The following GLB1L3 variants were observed in gnomAD, a reference collection of about 807,000 sequenced individuals.
The protein encoded by GLB1L3 is galactosidase beta 1 like 3.
In GLB1L3, 89 loss-of-function variants were observed where a neutral mutation model predicts 89.5. The ratio of observed to expected loss-of-function variants is 0.99; its 90% CI spans 0.84 to 1.19. The LOEUF (loss-of-function observed/expected upper bound fraction) is 1.19, where lower values mean the gene tolerates loss of function less well. Among genes scored for constraint, GLB1L3 ranks in the 50% most tolerant of loss-of-function variants. The pLI is 0.00. For synonymous variants in GLB1L3, 314 were observed against 312.3 expected (o/e 1.01, Z -0.06); for missense variants, 812 against 813.3 (o/e 1.00, Z 0.02).
At chr11:134,298,205 G>A (rs1941761769) in intron 9 of GLB1L3, among the ~76,000 whole-genome samples, 2 of 151,834 alleles carry the variant, frequency 1.3e-5, no homozygotes, top group African/African-American at 4.8e-5. Flanking sequence ...GGAGATTCTT[G>A]GATCTGTGGT....
chr11:134,324,855 G>A, the GLB1L3 span, among the ~76,000 whole-genome samples: 2 of 151,518 alleles, frequency 1.3e-5, no homozygotes, highest in Non-Finnish European at 2.9e-5. Context: ...TAAAAATTGT[G>A]ATATAACATA....
downstream of GLB1L3, among the ~76,000 whole-genome samples, chr11:134,321,760 G>A (rs749403715): frequency 5.1e-4 from 78 of 152,068 alleles, 1 homozygote; most frequent in Admixed American, 2.0e-3. Flanking sequence ...CACACACTGG[G>A]GCCTGTCATG....
At chr11:134,301,221 A>G (rs1035012229) in intron 9 of GLB1L3, among the ~76,000 whole-genome samples, 1 of 152,152 alleles carries the variant, frequency 6.6e-6, no homozygotes, top group Non-Finnish European at 1.5e-5. Context: ...TCTGTGACCT[A>G]GGTTCTCTGA....
At chr11:134,291,257 C>G (rs1941339303) in intron 7 of GLB1L3, among the ~76,000 whole-genome samples, 1 of 151,002 alleles carries the variant, frequency 6.6e-6, no homozygotes, top group African/African-American at 2.4e-5. Flanking sequence ...GCAACCTATG[C>G]ACATCCTCCC....
intron 6 of GLB1L3, among the ~76,000 whole-genome samples, chr11:134,284,825 A>ACC (rs1022858561): frequency 4.3e-4 from 62 of 144,128 alleles, no homozygotes; most frequent in African/African-American, 1.5e-3. Flanking sequence ...AATAACTTGC[A>ACC]CCCCCCATTC....
At chr11:134,277,056 C>T (rs1940408009) in intron 1 of GLB1L3, 1 of 571,188 alleles carries the variant, frequency 1.8e-6, no homozygotes, top group African/African-American at 1.9e-5. Flanking sequence ...GCGCCCGCCT[C>T]CGCCTCTCCC....
Position 134,308,519 on chromosome 11 carries a change from ATGT to A in GLB1L3, c.962-1106_962-1104del, listed in dbSNP as rs1425336665. On this transcript the variant is annotated intron_variant, in intron 10 of 19. Transcript: ENST00000431683. ...ACCAAATACCACCACCACCACCACC[ATGT>A]CCACCACCACTACCACCACCATCAC... Among the ~76,000 whole-genome samples the A allele has an allele frequency of 6.4e-4, 34 of 53,412 alleles. 1 individual carries two copies. The highest frequency in any genetic ancestry group is 8.9e-4 in the Non-Finnish European group (22 of 24,852). The allele number at this position is 53,412 out of a possible 152,430, so 35.0% of individuals were successfully genotyped here.
At position 134,277,446 on chromosome 11, in the gene GLB1L3, G is replaced by C; in HGVS notation, c.144G>C (p.Gln48His). 6.2e-7 allele frequency: 1 copy of C among 1,612,160 alleles called. No individual in the cohort carries two copies. The change falls in exon 2 of 20, where the codon CAG (glutamine) becomes CAC (histidine). Residue 48 changes from glutamine (Q) to histidine (H), a missense_variant. Gln to His is a conservative substitution (Grantham distance 24). This residue lies in a region of GLB1L3 where 191 missense variants were observed against 191.4 expected (regional missense o/e 1.00). Coordinates refer to ENST00000431683, the MANE Select transcript of GLB1L3 (RefSeq NM_001080407.3). ...NFMLGRAHPSQPRFNWSHLTP... is the reference protein window; with the variant it reads ...NFMLGRAHPSHPRFNWSHLTP... Reference sequence around the variant, plus strand: ...TGCTTGGAAGAGCGCATCCGTCCCAGCCTAGGTTTGCTTGAGAGCTACATC... The same window carrying C: ...TGCTTGGAAGAGCGCATCCGTCCCACCCTAGGTTTGCTTGAGAGCTACATC...
intron 1 of GLB1L3, 44 bp downstream of exon 1, chr11:134,276,807 C>A: frequency 1.5e-6 from 2 of 1,367,686 alleles, no homozygotes. Context: ...ACCACCCCGG[C>A]GCGTGCCCGG....
intron 9 of GLB1L3, among the ~76,000 whole-genome samples, chr11:134,297,686 C>T (rs894887138): frequency 7.2e-5 from 11 of 151,840 alleles, no homozygotes; most frequent in Admixed American, 3.3e-4. Flanking sequence ...CATGGTGACA[C>T]CCCATCTCTA....
chr11:134,308,236 C>T (rs1942344057), intron 10 of GLB1L3, among the ~76,000 whole-genome samples: 1 of 22,336 alleles, frequency 4.5e-5, no homozygotes. Context: ...CCACCACCAC[C>T]ATCACCATCA....
At chr11:134,297,937 A>G in intron 9 of GLB1L3, among the ~76,000 whole-genome samples, 1 of 151,520 alleles carries the variant, frequency 6.6e-6, no homozygotes, top group Non-Finnish European at 1.5e-5. Flanking sequence ...TGACACGACT[A>G]ATCATACTGA....
At chr11:134,321,395 A>T (rs1943166463), downstream of GLB1L3, among the ~76,000 whole-genome samples, 1 of 152,184 alleles carries the variant, frequency 6.6e-6, no homozygotes, top group Non-Finnish European at 1.5e-5. Context: ...ATAAAAGACA[A>T]AAGATAGTAG....
intron 9 of GLB1L3, among the ~76,000 whole-genome samples, chr11:134,296,821 C>T (rs2136163508): frequency 8.5e-6 from 1 of 117,038 alleles, no homozygotes; most frequent in African/African-American, 3.0e-5. Context: ...TGCACATGTA[C>T]CCTAAAACTT....
intron 1 of GLB1L3, 103 bp downstream of exon 1, chr11:134,276,866 C>T (rs1940392788): frequency 9.5e-7 from 1 of 1,056,386 alleles, no homozygotes; most frequent in Non-Finnish European, 1.2e-6. Context: ...GCCCCAGGCA[C>T]GCGCCGCGCC....
intron 9 of GLB1L3, among the ~76,000 whole-genome samples, chr11:134,302,107 A>G (rs1015512840): frequency 4.6e-5 from 7 of 152,148 alleles, no homozygotes; most frequent in African/African-American, 1.4e-4. Flanking sequence ...ACGTGACCCC[A>G]TCAGTCTTTC....
intron 18 of GLB1L3, 48 bp downstream of exon 18, chr11:134,314,489 T>C (rs1317936645): frequency 8.3e-7 from 1 of 1,204,090 alleles, no homozygotes; most frequent in Non-Finnish European, 1.2e-6. Context: ...CCAATTTTAT[T>C]TTTAAAGAGT....
chr11:134,313,426 A>G lies in GLB1L3; in HGVS notation c.1531A>G (p.Asn511Asp), dbSNP rs1431416183. The G allele has an allele frequency of 1.3e-6, 2 of 1,585,248 alleles. No homozygotes were observed. The highest frequency in any genetic ancestry group is 8.6e-7 in the Non-Finnish European group (1 of 1,165,478). The change falls in exon 16 of 20, where the codon AAT becomes GAT. Residue 511 changes from asparagine (N) to aspartate (D), a missense_variant. Asn to Asp is a conservative substitution (Grantham distance 23). Around this residue, in one of 3 missense-constraint regions of GLB1L3, gnomAD observed 618 missense variants for 604.0 expected, o/e 1.02. Transcript: ENST00000431683. The part of the protein sequence containing the change: ...DCRYLRILVE[N>D]QGRVNFSWQI... ...CCGATACCTGAGGATCCTGGTGGAG[A>G]ATCAAGGACGAGTCAATTTTTCATG...
At chr11:134,281,323 T>C in intron 3 of GLB1L3, 54 bp from the exon 4 acceptor site, 1 of 1,607,632 alleles carries the variant, frequency 6.2e-7, no homozygotes, top group Non-Finnish European at 8.5e-7. Flanking sequence ...GACCTAACAA[T>C]TTGGAGGAAG....
Sources: allele counts gnomAD v4.1 joint callset (sites outside exome capture counted in the v4.1 genomes callset), GRCh38; gene constraint gnomAD v4.1.1; regional missense constraint gnomAD v4.1.1; transcripts MANE v1.5; gene names NCBI Gene and HGNC (gene_info 2026-07-23, HGNC 2026-07-21).